LZTFL1: variants seen among roughly 807,000 people sequenced by gnomAD.
The protein encoded by LZTFL1 is leucine zipper transcription factor-like protein 1.
In LZTFL1, 25 loss-of-function variants were observed where a neutral mutation model predicts 45.9. The ratio of observed to expected loss-of-function variants is 0.54; its 90% CI spans 0.40 to 0.76. The LOEUF (loss-of-function observed/expected upper bound fraction) is 0.76. Ranked by LOEUF, LZTFL1 falls within the 30% of genes least tolerant of loss-of-function variation. The pLI is 0.00. For missense variants in LZTFL1, 277 were observed against 331.1 expected (o/e 0.84, Z 1.27); for synonymous variants, 93 against 117.4 (o/e 0.79, Z 1.35).
At chr3:45,864,465 G>A (rs779733872) in intron 2 of LZTFL1, among the ~76,000 whole-genome samples, 1 of 152,164 alleles carries the variant, frequency 6.6e-6, no homozygotes, top group Non-Finnish European at 1.5e-5. Flanking sequence ...ATTATGGTAT[G>A]TCCATATCTG....
At chr3:45,874,019 G>A (rs1196733342) in intron 2 of LZTFL1, among the ~76,000 whole-genome samples, 1 of 152,050 alleles carries the variant, frequency 6.6e-6, no homozygotes, top group Non-Finnish European at 1.5e-5. Flanking sequence ...ACATATGGGG[G>A]CCTCATCCAC....
rs535074396 is a variant in LZTFL1 at position 45,911,181 on chromosome 3, C to T, written c.-215+1939G>A. Among the ~76,000 whole-genome samples the T allele has an allele frequency of 6.6e-5, 10 of 152,218 alleles. No homozygotes were observed. The South Asian group carries it at 1.5e-3, about 22-fold the overall frequency. Reference sequence around the variant, plus strand: ...TGGTCAGAGCAGCCAGAGGCCAGCCCGGAGTCAAGGGACTCGAGACTCCAC... The same window carrying T: ...TGGTCAGAGCAGCCAGAGGCCAGCCTGGAGTCAAGGGACTCGAGACTCCAC... On this transcript the variant is annotated intron_variant, in intron 2 of 4. Transcript: ENST00000472635.
intron 2 of LZTFL1, among the ~76,000 whole-genome samples, chr3:45,874,734 C>T (rs185164792): frequency 3.9e-5 from 6 of 152,208 alleles, no homozygotes; most frequent in African/African-American, 9.6e-5. Flanking sequence ...TGAATCCGGG[C>T]GGACTTTGTG....
intron 1 of LZTFL1, among the ~76,000 whole-genome samples, chr3:45,914,462 C>G (rs948158660): frequency 6.6e-6 from 1 of 151,966 alleles, no homozygotes; most frequent in South Asian, 2.1e-4. Context: ...TTGGTAGAGA[C>G]GGGGTCTCCC....
chr3:45,853,064 C>CGA (rs1701331589), intron 4 of LZTFL1, among the ~76,000 whole-genome samples: 1 of 152,062 alleles, frequency 6.6e-6, no homozygotes, highest in African/African-American at 2.4e-5. Flanking sequence ...CTGAAGAGAC[C>CGA]GAGGCCTTTC....
intron 2 of LZTFL1, among the ~76,000 whole-genome samples, chr3:45,884,720 A>G (rs371884060): frequency 5.3e-5 from 8 of 152,306 alleles, no homozygotes; most frequent in South Asian, 4.1e-4. Context: ...TTCCTCACCC[A>G]TGGCAATTGC....
chr3:45,901,572 G>T lies in LZTFL1; in HGVS notation c.-215+11548C>A. 4 of 1,614,174 alleles carry T rather than the reference G, an allele frequency of 2.5e-6. No homozygotes were observed. The highest frequency in any genetic ancestry group is 3.4e-6 in the Non-Finnish European group (4 of 1,180,012). On this transcript the variant is annotated intron_variant, in intron 2 of 4. Transcript: ENST00000472635. This position sits in a 1 kb window ranked among gnomAD's most constrained non-coding sequence, Gnocchi z 4.3. ...AAAAGTGACCATCACTGTCCTGACC[G>T]TCTTTGTCTTGTCTCAGTTTCCCTA...
rs1428052306 is a variant in LZTFL1 at position 45,823,395 on chromosome 3, C to T, written c.*2919G>A. On this transcript the variant is annotated 3_prime_UTR_variant, in exon 10 of 10. Transcript: ENST00000296135. ...TAGGCAAAAAAGAGAGGAAGTTATACTTCATATAATGTAAGAGATTGAGTA... is the reference window on the plus strand; with the variant it reads ...TAGGCAAAAAAGAGAGGAAGTTATATTTCATATAATGTAAGAGATTGAGTA... 1 of 152,148 alleles carries T rather than the reference C, an allele frequency of 6.6e-6. No individual in the cohort carries two copies. The highest frequency in any genetic ancestry group is 2.4e-5 in the African/African-American group (1 of 41,436). The allele number at this position is 152,148 out of a possible 1,614,324, so 9.4% of individuals were successfully genotyped here.
chr3:45,898,494 G>A (rs774152000), intron 2 of LZTFL1, among the ~76,000 whole-genome samples: 9 of 152,202 alleles, frequency 5.9e-5, no homozygotes, highest in Admixed American at 1.3e-4. Flanking sequence ...AGTTCTTTGC[G>A]TTTGTGGGCC....
At chr3:45,855,971 C>A (rs972475068) in intron 3 of LZTFL1, among the ~76,000 whole-genome samples, 2 of 152,286 alleles carry the variant, frequency 1.3e-5, no homozygotes, top group Non-Finnish European at 1.5e-5. Flanking sequence ...AATGGCCATA[C>A]TGTCCAAAGT....
Position 45,835,742 on chromosome 3 carries a change from G to A in LZTFL1, c.171C>T (p.Val57=). The part of the protein sequence containing the change: ...DTFTIDEVSE[V]LNGLQAVVHS... ...GAACCACAGCTTGTAATCCATTGAG[G>A]ACTTCAGAGACTTCATCTATGGTGA... is the stretch of plus-strand genomic sequence containing the variant. The change falls in exon 3 of 10, where the codon GTC becomes GTT. Residue 57 remains valine, a synonymous_variant. Transcript: ENST00000296135. The A allele has an allele frequency of 3.7e-6, 6 of 1,613,986 alleles. No homozygotes were observed. The highest frequency in any genetic ancestry group is 5.1e-6 in the Non-Finnish European group (6 of 1,179,940).
chr3:45,881,644 A>G (rs568328719), intron 2 of LZTFL1, among the ~76,000 whole-genome samples: 1 of 152,320 alleles, frequency 6.6e-6, no homozygotes, highest in South Asian at 2.1e-4. Flanking sequence ...ACTGCGACAC[A>G]CGAAGAATGT....
chr3:45,856,520 CA>C (rs1398429617), intron 3 of LZTFL1, among the ~76,000 whole-genome samples: 1 of 151,846 alleles, frequency 6.6e-6, no homozygotes, highest in East Asian at 1.9e-4. Flanking sequence ...ACAACAAAAG[CA>C]AAAATTGACA....
At chr3:45,903,606 T>C (rs1217143711) in intron 2 of LZTFL1, among the ~76,000 whole-genome samples, 2 of 152,290 alleles carry the variant, frequency 1.3e-5, no homozygotes, top group East Asian at 1.9e-4. Context: ...CATTTCACCC[T>C]TTTTCTCCCT....
chr3:45,890,350 C>CATATAT (rs372514163), intron 2 of LZTFL1, among the ~76,000 whole-genome samples: 4 of 23,076 alleles, frequency 1.7e-4, no homozygotes, highest in African/African-American at 3.5e-4. Context: ...ATATATATAA[C>CATATAT]ATATATATAT....
chr3:45,842,473 C>T (rs991597832), upstream of LZTFL1, among the ~76,000 whole-genome samples: 5 of 150,746 alleles, frequency 3.3e-5, no homozygotes, highest in South Asian at 2.1e-4. Context: ...AGGGCGCGGC[C>T]CAGACATTTT....
At chr3:45,831,275 T>TA (rs756915591) in intron 5 of LZTFL1, 137 bp from the exon 6 acceptor site, 13 of 557,668 alleles carry the variant, frequency 2.3e-5, no homozygotes, top group Non-Finnish European at 4.0e-5. Flanking sequence ...GATATTTTGG[T>TA]AATATCCCAA....
intron 8 of LZTFL1, among the ~76,000 whole-genome samples, chr3:45,828,206 T>C (rs1700717026): frequency 1.3e-5 from 2 of 152,206 alleles, no homozygotes; most frequent in African/African-American, 4.8e-5. Context: ...AGCATTTCAC[T>C]ACACCATAGA....
chr3:45,887,679 C>T (rs1309089936), intron 2 of LZTFL1, among the ~76,000 whole-genome samples: 2 of 152,208 alleles, frequency 1.3e-5, no homozygotes, highest in Non-Finnish European at 2.9e-5. Flanking sequence ...TCTGGAATTT[C>T]GGAGTCCTTT....
Sources: allele counts gnomAD v4.1 joint callset (sites outside exome capture counted in the v4.1 genomes callset), GRCh38; gene constraint gnomAD v4.1.1; non-coding constraint Gnocchi (gnomAD v3.1); transcripts MANE v1.5; gene names NCBI Gene and HGNC (gene_info 2026-07-23, HGNC 2026-07-21).